Variants in MYZAP observed in about 807,000 individuals in gnomAD.
MYZAP encodes GRINL1A complex locus upstream.
A neutral mutation model predicts 69.4 loss-of-function variants in MYZAP; 66 were observed. The ratio of observed to expected loss-of-function variants is 0.95; its 90% CI spans 0.78 to 1.17. The LOEUF (loss-of-function observed/expected upper bound fraction) is 1.17. MYZAP is among the 50% of genes most tolerant of loss of function. MYZAP has a pLI of 0.00. For synonymous variants in MYZAP, 256 were observed against 205.9 expected, an observed-to-expected ratio of 1.24 and a Z score of -2.09; for missense variants, 611 against 556.2, an observed-to-expected ratio of 1.10 and a Z score of -0.99.
At chr15:57,637,217 A>G (rs1324112290) in intron 8 of MYZAP, among the ~76,000 whole-genome samples, 1 of 152,214 alleles carries the variant, frequency 6.6e-6, no homozygotes, top group African/African-American at 2.4e-5. Flanking sequence ...AGGAATCAGG[A>G]CATGGACATC....
intron 4 of MYZAP, among the ~76,000 whole-genome samples, chr15:57,622,477 C>T (rs143524172): frequency 3.9e-5 from 6 of 151,920 alleles, no homozygotes; most frequent in East Asian, 1.9e-4. Flanking sequence ...AAAAGAGCAA[C>T]GAGAGGGAGT....
At chr15:57,594,304 C>T (rs991479585) in intron 1 of MYZAP, among the ~76,000 whole-genome samples, 16 of 152,250 alleles carry the variant, frequency 1.1e-4, no homozygotes, top group African/African-American at 3.6e-4. Context: ...TTAGTGGAGA[C>T]AGGGTTTTGT....
intron 12 of MYZAP, among the ~76,000 whole-genome samples, chr15:57,676,058 G>T (rs993936081): frequency 6.6e-6 from 1 of 152,096 alleles, no homozygotes; most frequent in East Asian, 1.9e-4. Context: ...TGGAATACCT[G>T]GTTCTTGTCC....
rs146505887 is a variant in MYZAP at position 57,675,022 on chromosome 15, G to T, written c.1258G>T (p.Glu420Ter). 4 of 1,613,450 alleles carry T rather than the reference G, an allele frequency of 2.5e-6. No homozygotes were observed. The highest frequency in any genetic ancestry group is 1.1e-5 in the South Asian group (1 of 91,060). The change falls in exon 12 of 13, where the codon GAA (glutamate) becomes TAA (stop). Residue 420 changes from glutamate to a stop codon, truncating the protein, a stop_gained. Coordinates refer to ENST00000267853, the MANE Select transcript of MYZAP (RefSeq NM_001018100.5). LOFTEE classifies it high-confidence loss of function. ...TTTAACAGAAACCCAGGCCAAGACC[G>T]AAGTGGAAACCAGAGAGATAGGAGT... ...DYLTETQAKTEVETREIGVGC... is the reference protein window; with the variant it reads ...DYLTETQAKT
At chr15:57,599,352 A>ATTTT (rs58670224) in intron 1 of MYZAP, 87 of 499,826 alleles carry the variant, frequency 1.7e-4, no homozygotes, top group East Asian at 4.0e-4. Flanking sequence ...GGAGGCCAGC[A>ATTTT]TTTTTTTTTT....
intron 10 of MYZAP, among the ~76,000 whole-genome samples, chr15:57,660,420 TC>T (rs1241011876): frequency 1.3e-5 from 2 of 152,052 alleles, no homozygotes; most frequent in Admixed American, 1.3e-4. Context: ...GCTCAAGCAA[TC>T]CTCCCACCTC....
intron 12 of MYZAP, among the ~76,000 whole-genome samples, chr15:57,675,493 C>T (rs1016697351): frequency 6.6e-5 from 10 of 152,222 alleles, no homozygotes; most frequent in Non-Finnish European, 8.8e-5. Flanking sequence ...GAGGGGCATC[C>T]GAGGTGCTTT....
In MYZAP at chr15:57,658,087, A is replaced by G. The variant is rs1285965637; in HGVS notation, c.1120-3363A>G. On this transcript the variant is annotated intron_variant, in intron 10 of 12. Transcript: ENST00000267853. ...TCAAAGGATTACATTTTTTGACACC[A>G]TGTGAAATTTAAAATACTTGATAAT... is the stretch of plus-strand genomic sequence containing the variant. Among the ~76,000 whole-genome samples the G allele has an allele frequency of 3.3e-5, 5 of 152,268 alleles. No individual in the cohort carries two copies. In the East Asian group the frequency reaches 7.7e-4, roughly 24 times the overall value.
chr15:57,592,810 C>T (rs1239273167), intron 1 of MYZAP, among the ~76,000 whole-genome samples: 1 of 152,204 alleles, frequency 6.6e-6, no homozygotes, highest in Non-Finnish European at 1.5e-5. Context: ...AATGCTCCAT[C>T]TTTCTAACAC....
chr15:57,684,699 C>T lies in MYZAP; in HGVS notation c.*201C>T, dbSNP rs2039610488. ...GGTAAGAGAGGGATATACAAGGTCACATTTCAGACACCCACTCGGCATACC... is the reference window on the plus strand; with the variant it reads ...GGTAAGAGAGGGATATACAAGGTCATATTTCAGACACCCACTCGGCATACC... On this transcript the variant is annotated 3_prime_UTR_variant, in exon 13 of 13. Transcript: ENST00000267853. 2.1e-6 allele frequency: 1 copy of T among 472,462 alleles called. No individual in the cohort carries two copies. Among genetic ancestry groups the T allele is most frequent in the Admixed American group, 3.9e-5 (1 of 25,690 alleles). The allele number at this position is 472,462 out of a possible 1,614,324, so 29.3% of individuals were successfully genotyped here.
intron 10 of MYZAP, chr15:57,647,156 T>G: frequency 1.0e-6 from 1 of 985,426 alleles, no homozygotes; most frequent in Non-Finnish European, 1.2e-6. Context: ...TGCTAATATT[T>G]GCCTTTGCTT....
At chr15:57,660,540 C>T (rs1329242455) in intron 10 of MYZAP, among the ~76,000 whole-genome samples, 1 of 152,128 alleles carries the variant, frequency 6.6e-6, no homozygotes, top group Admixed American at 6.5e-5. Flanking sequence ...GTCTTGAACT[C>T]CTAGGCTCAA....
chr15:57,594,836 C>G (rs2033949931), intron 1 of MYZAP, among the ~76,000 whole-genome samples: 1 of 152,138 alleles, frequency 6.6e-6, no homozygotes, highest in South Asian at 2.1e-4. Context: ...AAATTGTAGA[C>G]CAAATAATCA....
At chr15:57,597,227 C>T (rs1382281604) in intron 1 of MYZAP, among the ~76,000 whole-genome samples, 3 of 152,294 alleles carry the variant, frequency 2.0e-5, no homozygotes, top group Non-Finnish European at 4.4e-5. Flanking sequence ...GTTGGAGCTT[C>T]ATCCCTTTGG....
intron 11 of MYZAP, among the ~76,000 whole-genome samples, chr15:57,668,598 A>G (rs2038708035): frequency 6.6e-6 from 1 of 152,134 alleles, no homozygotes; most frequent in South Asian, 2.1e-4. Flanking sequence ...ATGTGGTTTT[A>G]ATGTGCATTT....
chr15:57,652,857 A>G (rs369435173), intron 10 of MYZAP, among the ~76,000 whole-genome samples: 5 of 152,204 alleles, frequency 3.3e-5, no homozygotes, highest in African/African-American at 1.2e-4. Flanking sequence ...CAAATTTTCA[A>G]ATAACGTGAT....
At position 57,618,206 on chromosome 15, in the gene MYZAP, T is replaced by A; in HGVS notation, c.318+18T>A. ...TCAAAGATGTGAGCCATTTAAGAGTTTTTGCCCCCCACCTGTATTCTTTTT... is the reference window on the plus strand; with the variant it reads ...TCAAAGATGTGAGCCATTTAAGAGTATTTGCCCCCCACCTGTATTCTTTTT... On this transcript the variant is annotated intron_variant, in intron 3 of 12. Transcript: ENST00000267853. The A allele has an allele frequency of 6.2e-7, 1 of 1,611,192 alleles. No homozygotes were observed. The highest frequency in any genetic ancestry group is 8.5e-7 in the Non-Finnish European group (1 of 1,178,634).
intron 10 of MYZAP, chr15:57,646,632 C>T (rs1261922425): frequency 1.6e-5 from 16 of 994,974 alleles, no homozygotes; most frequent in Non-Finnish European, 1.9e-5. Context: ...GGAGGTGCTC[C>T]CACCAGATCA....
At chr15:57,622,208 A>G (rs1467458988) in intron 4 of MYZAP, among the ~76,000 whole-genome samples, 3 of 152,132 alleles carry the variant, frequency 2.0e-5, no homozygotes, top group Admixed American at 6.5e-5. Flanking sequence ...TATATAATAT[A>G]CAAAGAGGTT....
Sources: allele counts gnomAD v4.1 joint callset (sites outside exome capture counted in the v4.1 genomes callset), GRCh38; gene constraint gnomAD v4.1.1; transcripts MANE v1.5; gene names NCBI Gene and HGNC (gene_info 2026-07-23, HGNC 2026-07-21).